Variants in CNTN6 observed in about 807,000 individuals in gnomAD.
CNTN6 encodes contactin-6.
A neutral mutation model predicts 122.8 loss-of-function variants in CNTN6; 137 were observed. The observed-to-expected ratio is 1.12, with a 90% CI of 0.97 to 1.29. CNTN6 has a LOEUF of 1.29. Ranked by LOEUF, CNTN6 falls within the 50% of genes most tolerant of loss-of-function variation. The probability of loss-of-function intolerance (pLI) is 0.00; values close to 1 mark genes in which losing one functional copy is unlikely to be tolerated. For synonymous variants in CNTN6, 570 were observed against 426.0 expected, an observed-to-expected ratio of 1.34 and a Z score of -4.16; for missense variants, 1,634 against 1,223.4, an observed-to-expected ratio of 1.34 and a Z score of -5.01.
intron 3 of CNTN6, among the ~76,000 whole-genome samples, chr3:1,225,873 G>C (rs2094276288): frequency 6.6e-6 from 1 of 152,124 alleles, no homozygotes; most frequent in Non-Finnish European, 1.5e-5. Flanking sequence ...AAAGTTAACA[G>C]AGTTGGTTCA....
Position 1,315,875 on chromosome 3 carries a change from G to A in CNTN6, c.762-5775G>A, listed in dbSNP as rs188703219. 1.2e-3 allele frequency among the ~76,000 whole-genome samples: 187 copies of A among 151,984 alleles called. 1 individual carries two copies. The highest frequency in any genetic ancestry group is 4.3e-3 in the African/African-American group (178 of 41,498). ...ATGCAGGAAATTTACACACACTCAT[G>A]CTTGTGTAGCCGTTTCATTCATAGT... On this transcript the variant is annotated intron_variant, in intron 7 of 22. Transcript: ENST00000446702.
intron 2 of CNTN6, among the ~76,000 whole-genome samples, chr3:1,218,340 G>A (rs2094156854): frequency 6.6e-6 from 1 of 152,128 alleles, no homozygotes; most frequent in Non-Finnish European, 1.5e-5. Context: ...CGTGTGATCT[G>A]AAAGATGTGA....
At chr3:1,300,357 G>A (rs1333356021) in intron 7 of CNTN6, among the ~76,000 whole-genome samples, 1 of 151,840 alleles carries the variant, frequency 6.6e-6, no homozygotes, top group African/African-American at 2.4e-5. Flanking sequence ...CTCAGAGGGG[G>A]TATGAATTCT....
At chr3:1,380,100 T>C (rs1366005037) in intron 17 of CNTN6, among the ~76,000 whole-genome samples, 1 of 152,138 alleles carries the variant, frequency 6.6e-6, no homozygotes, top group Non-Finnish European at 1.5e-5. Context: ...AAAAGTGACT[T>C]GGAAGTAGAG....
intron 12 of CNTN6, among the ~76,000 whole-genome samples, chr3:1,363,598 C>G (rs1287217818): frequency 2.0e-5 from 3 of 151,904 alleles, no homozygotes; most frequent in African/African-American, 7.2e-5. Context: ...GTATCTCCTT[C>G]TTTTATAGAG....
At chr3:1,189,894 T>A (rs2093677252) in intron 2 of CNTN6, among the ~76,000 whole-genome samples, 1 of 152,248 alleles carries the variant, frequency 6.6e-6, no homozygotes, top group African/African-American at 2.4e-5. Flanking sequence ...CAAAGCATTC[T>A]ATTGCATATC....
intron 2 of CNTN6, 124 bp downstream of exon 2, chr3:1,148,187 T>A (rs2092763674): frequency 2.8e-6 from 2 of 709,548 alleles, no homozygotes; most frequent in Non-Finnish European, 4.8e-6. Context: ...AGTGATAATG[T>A]TTTGAAGGTA....
At chr3:1,219,239 G>C (rs2094171811) in intron 2 of CNTN6, among the ~76,000 whole-genome samples, 1 of 152,174 alleles carries the variant, frequency 6.6e-6, no homozygotes, top group Admixed American at 6.5e-5. Context: ...TACCACCTTA[G>C]TCAAATGATT....
intron 2 of CNTN6, among the ~76,000 whole-genome samples, chr3:1,219,023 A>G (rs2094168304): frequency 6.6e-6 from 1 of 152,254 alleles, no homozygotes; most frequent in Admixed American, 6.5e-5. Flanking sequence ...AGCATCGAAT[A>G]AATAGCAAAT....
intron 1 of CNTN6, among the ~76,000 whole-genome samples, chr3:1,132,740 T>G (rs185661202): frequency 6.6e-6 from 1 of 152,226 alleles, no homozygotes; most frequent in East Asian, 1.9e-4. Context: ...GTCACTTTAC[T>G]GCACAAAGAA....
chr3:1,191,936 G>GA, intron 2 of CNTN6, among the ~76,000 whole-genome samples: 1 of 152,162 alleles, frequency 6.6e-6, no homozygotes, highest in South Asian at 2.1e-4. Context: ...ATAATTTTTT[G>GA]AAAAATCACT....
At chr3:1,188,442 A>G (rs1303360890) in intron 2 of CNTN6, among the ~76,000 whole-genome samples, 1 of 152,252 alleles carries the variant, frequency 6.6e-6, no homozygotes, top group East Asian at 1.9e-4. Flanking sequence ...TAATGCAATT[A>G]TATTTTTTAA....
At chr3:1,112,244 C>T (rs1172472462) in intron 1 of CNTN6, among the ~76,000 whole-genome samples, 1 of 152,098 alleles carries the variant, frequency 6.6e-6, no homozygotes, top group African/African-American at 2.4e-5. Context: ...TCAGGGTCCT[C>T]CAGAGAGACA....
At chr3:1,225,092 G>C (rs1192988207) in intron 3 of CNTN6, among the ~76,000 whole-genome samples, 1 of 152,110 alleles carries the variant, frequency 6.6e-6, no homozygotes, top group Non-Finnish European at 1.5e-5. Flanking sequence ...AAAAGTGAAG[G>C]ATGTTTCCCA....
intron 7 of CNTN6, among the ~76,000 whole-genome samples, chr3:1,316,181 C>A (rs1361755972): frequency 1.3e-5 from 2 of 151,744 alleles, no homozygotes; most frequent in Non-Finnish European, 2.9e-5. Flanking sequence ...TACTAATTAC[C>A]ATGCTATAAA....
chr3:1,286,328 C>G (rs1336703639), intron 5 of CNTN6, among the ~76,000 whole-genome samples: 2 of 152,162 alleles, frequency 1.3e-5, no homozygotes, highest in Non-Finnish European at 2.9e-5. Context: ...GGTTTTTCTC[C>G]TAATGCTATC....
chr3:1,296,792 T>A (rs909973856), intron 6 of CNTN6, among the ~76,000 whole-genome samples: 1 of 152,126 alleles, frequency 6.6e-6, no homozygotes, highest in Non-Finnish European at 1.5e-5. Context: ...TGAATACTAC[T>A]ATTTATGACC....
intron 20 of CNTN6, among the ~76,000 whole-genome samples, chr3:1,393,042 C>T: frequency 2.3e-5 from 1 of 44,378 alleles, no homozygotes; most frequent in African/African-American, 7.9e-5. Flanking sequence ...TTTGACCCAG[C>T]CATCCCATTA....
intron 16 of CNTN6, among the ~76,000 whole-genome samples, chr3:1,375,992 C>A (rs1382406606): frequency 6.6e-6 from 1 of 151,774 alleles, no homozygotes; most frequent in Non-Finnish European, 1.5e-5. Flanking sequence ...TATTTTAATC[C>A]CTGCCTACCA....
Sources: gnomAD v4.1 joint callset for allele counts (sites outside exome capture counted in the v4.1 genomes callset) on GRCh38, gnomAD v4.1.1 for gene constraint, MANE v1.5 for transcripts, NCBI Gene and HGNC (gene_info 2026-07-23, HGNC 2026-07-21) for gene names.